ADGB: variants seen among roughly 807,000 people sequenced by gnomAD.
The protein encoded by ADGB is androglobin.
Under a neutral mutation model 210.5 loss-of-function variants are expected in ADGB, and 172 were observed. The ratio of observed to expected loss-of-function variants is 0.82; its 90% confidence interval spans 0.72 to 0.93. The LOEUF is 0.93. Ranked by LOEUF, ADGB falls within the 40% of genes least tolerant of loss-of-function variation. The pLI, the probability that ADGB is intolerant of heterozygous loss-of-function variation, is 0.00. For synonymous variants in ADGB, 658 were observed against 662.7 expected, an observed-to-expected ratio of 0.99 and a Z score of 0.11; for missense variants, 2,025 against 1,964.8, an observed-to-expected ratio of 1.03 and a Z score of -0.58.
intron 29 of ADGB, among the ~76,000 whole-genome samples, chr6:146,776,975 C>A (rs1304495501): frequency 1.3e-5 from 2 of 151,922 alleles, no homozygotes; most frequent in Non-Finnish European, 2.9e-5. Flanking sequence ...ATTTTCCCCA[C>A]AGCAAGACTT....
intron 1 of ADGB, among the ~76,000 whole-genome samples, chr6:146,629,356 T>C (rs1464583408): frequency 1.3e-5 from 2 of 152,198 alleles, no homozygotes; most frequent in Non-Finnish European, 2.9e-5. Context: ...GTTTATATTG[T>C]GTGTATAACA....
chr6:146,668,053 T>G (rs2114898237), intron 7 of ADGB, among the ~76,000 whole-genome samples: 1 of 152,188 alleles, frequency 6.6e-6, no homozygotes, highest in African/African-American at 2.4e-5. Flanking sequence ...AATAGAGACA[T>G]TGCTCAACTT....
intron 9 of ADGB, among the ~76,000 whole-genome samples, chr6:146,681,144 G>A (rs1260083366): frequency 6.6e-6 from 1 of 152,192 alleles, no homozygotes; most frequent in Non-Finnish European, 1.5e-5. Flanking sequence ...ATGTTGAATT[G>A]TAATCCCCAG....
Position 146,650,946 on chromosome 6 carries a change from C to T in ADGB, c.331-3189C>T, listed in dbSNP as rs553032645. 3.9e-5 allele frequency among the ~76,000 whole-genome samples: 6 copies of T among 152,336 alleles called. No homozygotes were observed. The East Asian group carries it at 9.6e-4, about 24-fold the overall frequency. Reference sequence around the variant, plus strand: ...GATGTCACAGAAGCCAACACAGCAGCACAGATGACATACACTAAGTCTAGA... The same window carrying T: ...GATGTCACAGAAGCCAACACAGCAGTACAGATGACATACACTAAGTCTAGA... On this transcript the variant is annotated intron_variant, in intron 3 of 35. Coordinates refer to ENST00000397944, the MANE Select transcript of ADGB (RefSeq NM_024694.4).
rs771013138 is a variant in ADGB, at chr6:146,717,503, G to C, written c.1929-33G>C. The C allele has an allele frequency of 2.0e-5, 24 of 1,200,194 alleles. No homozygotes were observed. The South Asian group carries it at 3.1e-4, about 15-fold the overall frequency. The allele number at this position is 1,200,194 out of a possible 1,614,324, so 74.3% of individuals were successfully genotyped here. A position where few individuals can be genotyped will look rare whatever the true frequency, so the allele number is the denominator to read the frequency against. ...TGTAGTACTAGTCTTTGCCTATAATGACAATAACCTGTTAAAAATGTCTTT... is the reference window on the plus strand; with the variant it reads ...TGTAGTACTAGTCTTTGCCTATAATCACAATAACCTGTTAAAAATGTCTTT... On this transcript the variant is annotated intron_variant, in intron 15 of 35. Transcript: ENST00000397944.
At chr6:146,747,259 A>T (rs1399889037) in intron 26 of ADGB, among the ~76,000 whole-genome samples, 1 of 152,208 alleles carries the variant, frequency 6.6e-6, no homozygotes, top group East Asian at 1.9e-4. Flanking sequence ...GAAAATTTGG[A>T]AAATATGTGT....
chr6:146,806,161 A>C (rs1470528911), intron 35 of ADGB, among the ~76,000 whole-genome samples: 1 of 152,248 alleles, frequency 6.6e-6, no homozygotes, highest in African/African-American at 2.4e-5. Flanking sequence ...TGTGTGTAAT[A>C]ACCAAATAAA....
At chr6:146,763,865 A>G (rs1777535221) in intron 27 of ADGB, 36 bp from the exon 28 acceptor site, 3 of 1,508,836 alleles carry the variant, frequency 2.0e-6, no homozygotes, top group Non-Finnish European at 2.7e-6. Flanking sequence ...TGTATATCAC[A>G]TATTTTAACT....
intron 12 of ADGB, among the ~76,000 whole-genome samples, chr6:146,698,666 AC>A (rs762010589): frequency 7.2e-5 from 11 of 152,172 alleles, no homozygotes; most frequent in African/African-American, 1.4e-4. Flanking sequence ...CCAGAAAAAA[AC>A]ATTTCCTGCT....
intron 1 of ADGB, among the ~76,000 whole-genome samples, chr6:146,606,037 C>T (rs1028366376): frequency 6.6e-6 from 1 of 152,070 alleles, no homozygotes; most frequent in East Asian, 1.9e-4. Context: ...ATTTACATAC[C>T]CACCACCAAT....
At chr6:146,789,405 T>G (rs1777923806) in intron 33 of ADGB, among the ~76,000 whole-genome samples, 1 of 152,198 alleles carries the variant, frequency 6.6e-6, no homozygotes, top group Non-Finnish European at 1.5e-5. Context: ...CTACTTGTTT[T>G]GAACCCAGAC....
At chr6:146,699,135 T>C (rs1776451981) in intron 12 of ADGB, among the ~76,000 whole-genome samples, 2 of 152,100 alleles carry the variant, frequency 1.3e-5, no homozygotes, top group Admixed American at 1.3e-4. Context: ...GACATAGATA[T>C]AGATAAAGAT....
intron 2 of ADGB, among the ~76,000 whole-genome samples, chr6:146,638,286 C>A (rs537966476): frequency 6.6e-6 from 1 of 152,076 alleles, no homozygotes. Context: ...TGATGCAAAT[C>A]TGACTGATTT....
rs1250107492 is a variant in ADGB at position 146,676,411 on chromosome 6, G to A, written c.1186G>A (p.Val396Met). The A allele has an allele frequency of 2.6e-6, 4 of 1,544,812 alleles. No individual in the cohort carries two copies. The highest frequency in any genetic ancestry group is 2.6e-6 in the Non-Finnish European group (3 of 1,143,084). ...TCATGGTTCAAGACCCTCATCAGAA[G>A]TGCAGTACTCTGTGCAGTCCCTATC... ...SLHGSRPSSE[V>M]QYSVQSLSDC... The change falls in exon 9 of 36, where the codon GTG (valine) becomes ATG (methionine). Residue 396 changes from valine (V) to methionine (M), a missense_variant. Physicochemically the swap from Val to Met is conservative, Grantham distance 21. Transcript: ENST00000397944.
intron 4 of ADGB, 146 bp from the exon 5 acceptor site, chr6:146,656,625 G>T: frequency 1.7e-6 from 1 of 577,102 alleles, no homozygotes; most frequent in Non-Finnish European, 2.8e-6. Context: ...ACTTTATTCT[G>T]TAGATCAGAA....
chr6:146,716,794 T>G, intron 14 of ADGB, 89 bp from the exon 15 acceptor site: 8 of 1,264,192 alleles, frequency 6.3e-6, no homozygotes, highest in Non-Finnish European at 7.5e-6. Context: ...AAATAGACTT[T>G]GATATTTAAG....
At chr6:146,710,696 A>T (rs182997669) in intron 13 of ADGB, among the ~76,000 whole-genome samples, 2,241 of 150,798 alleles carry the variant, frequency 0.015, 32 homozygotes, top group African/African-American at 0.035. Context: ...TTGAAATTTT[A>T]AAAAAAAAAT....
intron 35 of ADGB, chr6:146,803,437 C>G: frequency 6.2e-7 from 1 of 1,605,726 alleles, no homozygotes; most frequent in South Asian, 1.1e-5. Context: ...CCCCCACCTT[C>G]CAGGGGGCTG....
intron 28 of ADGB, among the ~76,000 whole-genome samples, chr6:146,768,374 A>T (rs1777605960): frequency 6.6e-6 from 1 of 152,166 alleles, no homozygotes; most frequent in South Asian, 2.1e-4. Context: ...AGTATTAATT[A>T]ATGCATACAT....
Sources: gnomAD v4.1 joint callset for allele counts (sites outside exome capture counted in the v4.1 genomes callset) on GRCh38, gnomAD v4.1.1 for gene constraint, MANE v1.5 for transcripts, NCBI Gene and HGNC (gene_info 2026-07-23, HGNC 2026-07-21) for gene names.